Variants in GFRAL observed in about 807,000 individuals in gnomAD.
The protein encoded by GFRAL is GDNF family receptor alpha like, also known as GDNF family receptor alpha-like.
A neutral mutation model predicts 45.4 loss-of-function variants in GFRAL; 36 were observed. That is an observed-to-expected ratio of 0.79 (90% confidence interval 0.61 to 1.05). GFRAL has a LOEUF of 1.05. Among genes scored for constraint, GFRAL ranks in the 50% least tolerant of loss-of-function variants. GFRAL has a pLI of 0.00. For synonymous variants in GFRAL, 166 were observed against 154.1 expected (o/e 1.08, Z -0.57); for missense variants, 507 against 467.5 (o/e 1.08, Z -0.78).
At chr6:55,347,636 A>G (rs1298987769) in intron 3 of GFRAL, among the ~76,000 whole-genome samples, 1 of 152,166 alleles carries the variant, frequency 6.6e-6, no homozygotes, top group South Asian at 2.1e-4. Context: ...GGAAGCTACA[A>G]AGCTGGAAAA....
chr6:55,338,491 C>T (rs1237646553), intron 3 of GFRAL, among the ~76,000 whole-genome samples: 1 of 152,064 alleles, frequency 6.6e-6, no homozygotes, highest in Non-Finnish European at 1.5e-5. Flanking sequence ...TTTGGATGAT[C>T]TCAATTCTCA....
chr6:55,335,899 ATTTTAT>A (rs1319077159), intron 3 of GFRAL, among the ~76,000 whole-genome samples: 1 of 26,122 alleles, frequency 3.8e-5, no homozygotes. Context: ...CTTTGTCTTT[ATTTTAT>A]TTTATTTTAT....
chr6:55,327,592 T>C lies in GFRAL; in HGVS notation c.22+16T>C. ...ATTTTCTTGGGTAAGTGAATGGTGC[T>C]TCTGGTTTATCTGAATTATTCATAA... On this transcript the variant is annotated intron_variant, in intron 1 of 8. Coordinates refer to ENST00000340465, the MANE Select transcript of GFRAL (RefSeq NM_207410.2). 1 of 1,610,676 alleles carries C rather than the reference T, an allele frequency of 6.2e-7. No individual in the cohort carries two copies. Among genetic ancestry groups the C allele is most frequent in the Non-Finnish European group, 8.5e-7 (1 of 1,177,100 alleles).
intron 6 of GFRAL, among the ~76,000 whole-genome samples, chr6:55,366,117 C>T (rs1318767254): frequency 6.6e-6 from 1 of 151,792 alleles, no homozygotes; most frequent in East Asian, 1.9e-4. Context: ...ACAATTTCAG[C>T]TCCTGTTATT....
intron 4 of GFRAL, 132 bp downstream of exon 4, chr6:55,350,277 T>C: frequency 1.7e-6 from 1 of 587,594 alleles, no homozygotes; most frequent in South Asian, 2.1e-5. Flanking sequence ...TATAATAAAA[T>C]GCAGCAAAAT....
intron 3 of GFRAL, among the ~76,000 whole-genome samples, chr6:55,338,166 C>T (rs576877234): frequency 0.013 from 1,988 of 152,266 alleles, 23 homozygotes; most frequent in Non-Finnish European, 0.022. Flanking sequence ...TCTCAGCTCA[C>T]TGCAAACTCC....
At chr6:55,395,175 A>ATATATAT (rs1554136792) in intron 6 of GFRAL, among the ~76,000 whole-genome samples, 29 of 123,486 alleles carry the variant, frequency 2.3e-4, no homozygotes, top group African/African-American at 9.3e-4. Flanking sequence ...AAAAAAAAAA[A>ATATATAT]ATATATATAT....
chr6:55,338,429 A>G (rs1175866435), intron 3 of GFRAL, among the ~76,000 whole-genome samples: 1 of 152,186 alleles, frequency 6.6e-6, no homozygotes, highest in Non-Finnish European at 1.5e-5. Flanking sequence ...GATTTCTCAG[A>G]TATCTTCATT....
intron 3 of GFRAL, among the ~76,000 whole-genome samples, chr6:55,339,092 T>A (rs1264224238): frequency 6.6e-6 from 1 of 152,154 alleles, no homozygotes; most frequent in African/African-American, 2.4e-5. Context: ...TATAATAAAA[T>A]ATATACTTAA....
intron 5 of GFRAL, among the ~76,000 whole-genome samples, chr6:55,355,732 G>A (rs553089257): frequency 6.6e-6 from 1 of 151,768 alleles, no homozygotes; most frequent in East Asian, 1.9e-4. Flanking sequence ...TTGTCTAATT[G>A]CTGGGCTAGG....
At chr6:55,368,889 CT>C (rs1405235508) in intron 6 of GFRAL, among the ~76,000 whole-genome samples, 2 of 152,072 alleles carry the variant, frequency 1.3e-5, no homozygotes, top group Non-Finnish European at 2.9e-5. Flanking sequence ...TTACTGCTGT[CT>C]TTTTGTTTGT....
At chr6:55,361,333 T>C (rs1365819978) in intron 6 of GFRAL, among the ~76,000 whole-genome samples, 1 of 151,988 alleles carries the variant, frequency 6.6e-6, no homozygotes, top group Non-Finnish European at 1.5e-5. Context: ...AATTTGTTCA[T>C]GTTCAAGTCC....
intron 3 of GFRAL, among the ~76,000 whole-genome samples, chr6:55,338,580 A>C (rs571050347): frequency 3.3e-5 from 5 of 152,310 alleles, no homozygotes; most frequent in African/African-American, 1.2e-4. Context: ...GGACACACAC[A>C]TACACACACA....
chr6:55,348,237 A>AGT (rs10560874), intron 3 of GFRAL, among the ~76,000 whole-genome samples: 42,854 of 150,280 alleles, frequency 0.29, 6,316 homozygotes, highest in Middle Eastern at 0.48. Context: ...GGAAAAAATG[A>AGT]GTGTGTGTGT....
chr6:55,339,678 T>C (rs574098510), intron 3 of GFRAL, among the ~76,000 whole-genome samples: 3 of 152,308 alleles, frequency 2.0e-5, no homozygotes, highest in African/African-American at 7.2e-5. Flanking sequence ...AGATAGGGAC[T>C]GATAATGGCA....
chr6:55,363,132 CA>C (rs35444148), intron 6 of GFRAL, among the ~76,000 whole-genome samples: 104,036 of 150,092 alleles, frequency 0.69, 36,460 homozygotes, highest in African/African-American at 0.83. Context: ...CATAGCAATA[CA>C]AAAAAAAAAG....
In GFRAL at chr6:55,395,171, A is replaced by T. The variant is rs1285857864; in HGVS notation, c.953-4009A>T. Among the ~76,000 whole-genome samples, 238 of 90,852 alleles carry T rather than the reference A, an allele frequency of 2.6e-3. 1 individual carries two copies. The highest frequency in any genetic ancestry group is 5.1e-3 in the Middle Eastern group (1 of 198). 59.6% of individuals were successfully genotyped at this position (90,852 alleles called of 152,430 possible). On this transcript the variant is annotated intron_variant, in intron 6 of 8. Transcript: ENST00000340465. ...TTTCAATCAGCCTATGGAAAAAAAA[A>T]AAAAATATATATATATATATATAAG... is the stretch of plus-strand genomic sequence containing the variant.
chr6:55,399,987 C>A (rs575978075), intron 8 of GFRAL, among the ~76,000 whole-genome samples: 1 of 152,222 alleles, frequency 6.6e-6, no homozygotes, highest in Non-Finnish European at 1.5e-5. Flanking sequence ...TTCTCCAAAT[C>A]TTGGCTGCTT....
chr6:55,345,144 C>T (rs1268320675), intron 3 of GFRAL, among the ~76,000 whole-genome samples: 1 of 152,106 alleles, frequency 6.6e-6, no homozygotes, highest in Non-Finnish European at 1.5e-5. Context: ...TCAATGCCAT[C>T]CCCATCAAGC....
Sources: allele counts gnomAD v4.1 joint callset (sites outside exome capture counted in the v4.1 genomes callset), GRCh38; gene constraint gnomAD v4.1.1; transcripts MANE v1.5; gene names NCBI Gene and HGNC (gene_info 2026-07-23, HGNC 2026-07-21).